Variants in ROBO1 observed in about 807,000 individuals in gnomAD.
ROBO1 encodes the protein roundabout homolog 1.
In ROBO1, 149 loss-of-function variants were observed where a neutral mutation model predicts 195.9. The ratio of observed to expected loss-of-function variants is 0.76; its 90% CI spans 0.67 to 0.87. The LOEUF (loss-of-function observed/expected upper bound fraction) is 0.87. Among genes scored for constraint, ROBO1 ranks in the 40% least tolerant of loss-of-function variants. The pLI is 0.00. For missense variants in ROBO1, 1,933 were observed against 2,068.3 expected (o/e 0.93, Z 1.27); for synonymous variants, 816 against 733.2 (o/e 1.11, Z -1.82).
At chr3:79,534,823 A>G (rs1473795525) in intron 2 of ROBO1, among the ~76,000 whole-genome samples, 1 of 151,962 alleles carries the variant, frequency 6.6e-6, no homozygotes, top group Non-Finnish European at 1.5e-5. Flanking sequence ...TCCTGCAGGC[A>G]CTCACCTGAC....
At chr3:79,559,009 C>T (rs902737863) in intron 2 of ROBO1, among the ~76,000 whole-genome samples, 5 of 152,084 alleles carry the variant, frequency 3.3e-5, no homozygotes, top group African/African-American at 1.2e-4. Flanking sequence ...ACAAACCTAA[C>T]GTAGTATGTA....
chr3:79,411,907 C>T lies in ROBO1; in HGVS notation c.88+177917G>A, dbSNP rs546338202. 5.9e-5 allele frequency among the ~76,000 whole-genome samples: 9 copies of T among 152,202 alleles called. No individual in the cohort carries two copies. The South Asian group carries it at 1.9e-3, about 32-fold the overall frequency. ...ACAGAAATGCACCAAGAATTGAAAA[C>T]CCTGGTTACTCACGATTCTTTTCAC... is the stretch of plus-strand genomic sequence containing the variant. On this transcript the variant is annotated intron_variant, in intron 2 of 30. Coordinates refer to ENST00000464233, the MANE Select transcript of ROBO1 (RefSeq NM_002941.4).
chr3:79,556,059 T>C (rs2107690605), intron 2 of ROBO1, among the ~76,000 whole-genome samples: 1 of 152,254 alleles, frequency 6.6e-6, no homozygotes, highest in Non-Finnish European at 1.5e-5. Flanking sequence ...TATTATAAAT[T>C]TACTTTTATA....
chr3:79,536,537 G>A (rs1441064805), intron 2 of ROBO1, among the ~76,000 whole-genome samples: 3 of 152,090 alleles, frequency 2.0e-5, no homozygotes, highest in East Asian at 1.9e-4. Flanking sequence ...TCAAATTTAT[G>A]TATTAATTTG....
chr3:79,634,295 A>C (rs1945432633), intron 1 of ROBO1, among the ~76,000 whole-genome samples: 1 of 152,202 alleles, frequency 6.6e-6, no homozygotes, highest in Non-Finnish European at 1.5e-5. Flanking sequence ...TCAAAGTTCT[A>C]TCCAGTAGCT....
chr3:79,572,536 A>G (rs2047315889), intron 2 of ROBO1, among the ~76,000 whole-genome samples: 1 of 152,094 alleles, frequency 6.6e-6, no homozygotes, highest in Admixed American at 6.6e-5. Flanking sequence ...AGCTGAAACT[A>G]TGCTTATCTT....
chr3:79,393,303 G>T (rs1559867338), intron 2 of ROBO1, among the ~76,000 whole-genome samples: 1 of 152,166 alleles, frequency 6.6e-6, no homozygotes, highest in Non-Finnish European at 1.5e-5. Context: ...CTACTGAAGA[G>T]GATATCATTC....
chr3:78,632,395 G>A (rs1372633908), intron 24 of ROBO1, among the ~76,000 whole-genome samples: 1 of 152,142 alleles, frequency 6.6e-6, no homozygotes, highest in Non-Finnish European at 1.5e-5. Context: ...AATAAACTAC[G>A]ATTATCAGTC....
intron 2 of ROBO1, among the ~76,000 whole-genome samples, chr3:79,537,976 T>C (rs1292703248): frequency 6.6e-6 from 1 of 152,188 alleles, no homozygotes; most frequent in Non-Finnish European, 1.5e-5. Flanking sequence ...AAAAATGTTT[T>C]AAGAAAGTTT....
intron 1 of ROBO1, among the ~76,000 whole-genome samples, chr3:79,744,255 T>C (rs986135380): frequency 3.9e-5 from 6 of 152,200 alleles, no homozygotes; most frequent in African/African-American, 1.2e-4. Context: ...ATCATGTATA[T>C]GGTCCATCAC....
At chr3:79,344,018 T>A (rs1196634479) in intron 2 of ROBO1, among the ~76,000 whole-genome samples, 1 of 152,108 alleles carries the variant, frequency 6.6e-6, no homozygotes, top group South Asian at 2.1e-4. Flanking sequence ...GCCCAGGAAC[T>A]GGAATTTGGC....
In ROBO1 at chr3:79,614,151, CT is replaced by C. The variant is rs540230625; in HGVS notation, c.-50-24191del. 2.3e-3 allele frequency among the ~76,000 whole-genome samples: 355 copies of C among 152,080 alleles called. 5 individuals carry two copies. The highest frequency in any genetic ancestry group is 7.3e-3 in the African/African-American group (304 of 41,524). On this transcript the variant is annotated intron_variant, in intron 1 of 30. Coordinates refer to ENST00000464233, the MANE Select transcript of ROBO1 (RefSeq NM_002941.4). ...AAACTACACTACCAACCAATTTGACCTAATAGATATTTATAGAACACTCTAG... is the reference window on the plus strand; with the variant it reads ...AAACTACACTACCAACCAATTTGACCAATAGATATTTATAGAACACTCTAG...
intron 4 of ROBO1, among the ~76,000 whole-genome samples, chr3:78,774,933 C>T (rs544417959): frequency 2.3e-3 from 354 of 152,252 alleles, no homozygotes; most frequent in South Asian, 7.3e-3. Context: ...CTGGTAAATT[C>T]GTAATACTCT....
intron 2 of ROBO1, among the ~76,000 whole-genome samples, chr3:79,542,704 T>A (rs4586770): frequency 6.6e-6 from 1 of 151,874 alleles, no homozygotes; most frequent in South Asian, 2.1e-4. Context: ...ATAACTGAGA[T>A]TTAAAGTGAT....
intron 2 of ROBO1, among the ~76,000 whole-genome samples, chr3:79,328,573 ATCTATAATAGAGT>A (rs2034309572): frequency 6.6e-6 from 1 of 152,190 alleles, no homozygotes; most frequent in Admixed American, 6.5e-5. Context: ...CATAATGTCA[ATCTATAATAGAGT>A]TCTATAATCC....
In ROBO1 at chr3:79,229,938, C is replaced by T. The variant is rs903864585; in HGVS notation, c.89-104399G>A. Reference sequence around the variant, plus strand: ...TCAAAAAGTATACCTTTGTCATAAGCGACTCTTTCTTTCAGTATACCTAGT... The same window carrying T: ...TCAAAAAGTATACCTTTGTCATAAGTGACTCTTTCTTTCAGTATACCTAGT... On this transcript the variant is annotated intron_variant, in intron 2 of 30. Transcript: ENST00000464233. Among the ~76,000 whole-genome samples, 11 of 152,028 alleles carry T rather than the reference C, an allele frequency of 7.2e-5. No homozygotes were observed. In the East Asian group the frequency reaches 9.6e-4, roughly 13 times the overall value.
chr3:79,476,482 A>T (rs149299809), intron 2 of ROBO1, among the ~76,000 whole-genome samples: 57 of 152,250 alleles, frequency 3.7e-4, no homozygotes, highest in African/African-American at 1.4e-3. Flanking sequence ...AGCAAAATTC[A>T]CAATTGCAAA....
intron 2 of ROBO1, among the ~76,000 whole-genome samples, chr3:79,565,242 A>C (rs1943053221): frequency 6.6e-6 from 1 of 151,972 alleles, no homozygotes; most frequent in South Asian, 2.1e-4. Context: ...GAATTGAGGC[A>C]CAGTCTTAAC....
intron 4 of ROBO1, among the ~76,000 whole-genome samples, chr3:78,788,873 T>A (rs901210543): frequency 7.2e-5 from 11 of 152,310 alleles, no homozygotes; most frequent in African/African-American, 2.6e-4. Context: ...TCATAATTTT[T>A]AAAATACATC....
Sources: gnomAD v4.1 joint callset for allele counts (sites outside exome capture counted in the v4.1 genomes callset) on GRCh38, gnomAD v4.1.1 for gene constraint, MANE v1.5 for transcripts, NCBI Gene and HGNC (gene_info 2026-07-23, HGNC 2026-07-21) for gene names.